The following CCNH variants were observed in gnomAD, a reference collection of about 807,000 sequenced individuals.
The protein encoded by CCNH is cyclin H.
In CCNH, 31 loss-of-function variants were observed where a neutral mutation model predicts 41.9. The ratio of observed to expected loss-of-function variants is 0.74; its 90% CI spans 0.56 to 1.00. The LOEUF (loss-of-function observed/expected upper bound fraction) is 1.00, where lower values mean the gene tolerates loss of function less well. Among genes scored for constraint, CCNH ranks in the 50% least tolerant of loss-of-function variants. The pLI is 0.00. For synonymous variants in CCNH, 138 were observed against 136.1 expected (o/e 1.01, Z -0.10); for missense variants, 362 against 388.4 (o/e 0.93, Z 0.57).
intron 4 of CCNH, among the ~76,000 whole-genome samples, chr5:87,406,178 T>C (rs1233973823): frequency 4.6e-5 from 7 of 152,162 alleles, no homozygotes; most frequent in African/African-American, 9.7e-5. Flanking sequence ...AACCCATGAT[T>C]TCCCCTTTTC....
Position 87,404,941 on chromosome 5 carries a change from TTCTA to T in CCNH, c.588_591del (p.Asn196LysfsTer4), listed in dbSNP as rs1192427324. On this transcript the variant is annotated frameshift_variant, in exon 5 of 9. Coordinates refer to ENST00000256897, the MANE Select transcript of CCNH (RefSeq NM_001239.4). LOFTEE classifies it high-confidence loss of function. ...AAAAGGTAAGCATCCGTCAATGCAA[TTCTA>T]TTAAGAAAGTCATCAGCTGTTTTCC... 3.7e-6 allele frequency: 6 copies of T among 1,613,262 alleles called. No homozygotes were observed. The highest frequency in any genetic ancestry group is 5.1e-6 in the Non-Finnish European group (6 of 1,179,310).
chr5:87,395,752 C>T (rs991485510), intron 7 of CCNH, among the ~76,000 whole-genome samples: 15 of 152,100 alleles, frequency 9.9e-5, no homozygotes, highest in South Asian at 2.1e-4. Context: ...CACCTGTAGT[C>T]CCAGCTGCTG....
Position 87,399,335 on chromosome 5 carries a change from G to T in CCNH, c.872+59C>A. 3.2e-6 allele frequency: 4 copies of T among 1,234,768 alleles called. No individual in the cohort carries two copies. The South Asian group carries it at 3.7e-5, about 11-fold the overall frequency. 76.5% of individuals were successfully genotyped at this position (1,234,768 alleles called of 1,614,324 possible). A position where few individuals can be genotyped will look rare whatever the true frequency, so the allele number is the denominator to read the frequency against. On this transcript the variant is annotated intron_variant, in intron 7 of 8. Coordinates refer to ENST00000256897, the MANE Select transcript of CCNH (RefSeq NM_001239.4). Reference sequence around the variant, plus strand: ...AGCAAACACCAATAAAATGATTTACGAACCAGCTGGACTGGATAACAGTTA... The same window carrying T: ...AGCAAACACCAATAAAATGATTTACTAACCAGCTGGACTGGATAACAGTTA...
At chr5:87,401,562 A>C (rs1455537922) in intron 6 of CCNH, 140 bp downstream of exon 6, 2 of 613,682 alleles carry the variant, frequency 3.3e-6, no homozygotes, top group African/African-American at 3.8e-5. Context: ...TGTGTCTTTC[A>C]TGCTTCCATA....
chr5:87,314,513 CTGAT>C (rs1756171334), downstream of CCNH, among the ~76,000 whole-genome samples: 1 of 152,106 alleles, frequency 6.6e-6, no homozygotes, highest in South Asian at 2.1e-4. Flanking sequence ...GGCTTTTTGA[CTGAT>C]TGGATATGAG....
At chr5:87,357,248 G>A (rs1315145275) in intron 9 of CCNH, among the ~76,000 whole-genome samples, 1 of 151,746 alleles carries the variant, frequency 6.6e-6, no homozygotes, top group Non-Finnish European at 1.5e-5. Flanking sequence ...ATATATATAT[G>A]TTTTATATAT....
At chr5:87,378,340 T>C, upstream of CCNH, 1 of 1,573,736 alleles carries the variant, frequency 6.4e-7, no homozygotes. Context: ...ATTTCCAATT[T>C]GGTCACATTA....
At chr5:87,351,190 AAGC>A (rs1448653862) in intron 9 of CCNH, among the ~76,000 whole-genome samples, 3 of 151,728 alleles carry the variant, frequency 2.0e-5, no homozygotes, top group Non-Finnish European at 3.0e-5. Context: ...TAAAAAAAAA[AAGC>A]AGAAGAGGCA....
At chr5:87,395,238 A>ATC in intron 7 of CCNH, 134 bp from the exon 8 acceptor site, 1 of 626,512 alleles carries the variant, frequency 1.6e-6, no homozygotes, top group East Asian at 2.8e-5. Context: ...GGAAAAAGAT[A>ATC]AACAGCTATG....
At chr5:87,376,814 T>G in exon 1 of CCNH, 1 of 1,458,174 alleles carries the variant, frequency 6.9e-7, no homozygotes, top group Non-Finnish European at 9.6e-7. Context: ...ACATATTTCT[T>G]GTTAGTCTCA....
At chr5:87,392,960 G>GA (rs1325004120), downstream of CCNH, 1 of 151,994 alleles carries the variant, frequency 6.6e-6, no homozygotes, top group Non-Finnish European at 1.5e-5. Context: ...CTAGAGCCTA[G>GA]CAGCAATATA....
upstream of CCNH, among the ~76,000 whole-genome samples, chr5:87,377,565 G>T (rs945406433): frequency 4.6e-5 from 7 of 152,034 alleles, no homozygotes; most frequent in Non-Finnish European, 1.0e-4. Flanking sequence ...TTGAACTCCT[G>T]ACTTCAGGTG....
At chr5:87,343,788 C>T (rs779664317) in intron 9 of CCNH, among the ~76,000 whole-genome samples, 2 of 152,152 alleles carry the variant, frequency 1.3e-5, no homozygotes, top group Non-Finnish European at 2.9e-5. Flanking sequence ...CAGCACCATT[C>T]ACAATAGCCG....
chr5:87,376,181 A>G (rs1298053595), downstream of CCNH: 1 of 603,098 alleles, frequency 1.7e-6, no homozygotes, highest in Non-Finnish European at 2.9e-6. Context: ...ACACATCTCA[A>G]TCATCTCTGT....
At chr5:87,324,285 C>T (rs1363994891) in intron 9 of CCNH, among the ~76,000 whole-genome samples, 2 of 152,130 alleles carry the variant, frequency 1.3e-5, no homozygotes, top group African/African-American at 4.8e-5. Flanking sequence ...GCTAGCCTTC[C>T]CTCCCTTTTC....
rs1762747908 is a variant in CCNH, at chr5:87,394,366, A to ACTT, written c.*77_*79dup. 1.3e-6 allele frequency: 2 copies of ACTT among 1,544,250 alleles called. No homozygotes were observed. The highest frequency in any genetic ancestry group is 2.3e-5 in the East Asian group (1 of 43,812). On this transcript the variant is annotated 3_prime_UTR_variant, in exon 9 of 9. Transcript: ENST00000256897. ...AATATATTTTATGTTTTCACATTAT[A>ACTT]CTTTTTAAATAAAGTTAAACGTTTG...
At chr5:87,395,241 C>A in intron 7 of CCNH, 137 bp from the exon 8 acceptor site, 3 of 613,326 alleles carry the variant, frequency 4.9e-6, no homozygotes. Context: ...AAAAGATAAA[C>A]AGCTATGGGG....
In CCNH at chr5:87,383,322, A is replaced by C. The variant is rs569710580; in HGVS notation, c.*90+9448T>G. On this transcript the variant is annotated intron_variant and NMD_transcript_variant, in intron 9 of 9. Coordinates refer to the CCNH transcript ENST00000645953. Reference sequence around the variant, plus strand: ...AGAACTATGCTTATATAAAAAGTTTATTTCTACTCCTGTGGTATTTCAGAA... The same window carrying C: ...AGAACTATGCTTATATAAAAAGTTTCTTTCTACTCCTGTGGTATTTCAGAA... Among the ~76,000 whole-genome samples the C allele has an allele frequency of 7.9e-5, 12 of 152,236 alleles. No individual in the cohort carries two copies. In the East Asian group the frequency reaches 2.3e-3, roughly 29 times the overall value.
At chr5:87,385,792 T>A (rs1391700502) in intron 9 of CCNH, among the ~76,000 whole-genome samples, 1 of 152,084 alleles carries the variant, frequency 6.6e-6, no homozygotes, top group Non-Finnish European at 1.5e-5. Context: ...TGATATTCAG[T>A]TGGGATCATA....
Sources: allele counts gnomAD v4.1 joint callset (sites outside exome capture counted in the v4.1 genomes callset), GRCh38; gene constraint gnomAD v4.1.1; transcripts MANE v1.5; gene names NCBI Gene and HGNC (gene_info 2026-07-23, HGNC 2026-07-21).